Variants in PCDH9 observed in about 807,000 individuals in gnomAD.
PCDH9 encodes the protein protocadherin-9.
In PCDH9, 24 loss-of-function variants were observed where a neutral mutation model predicts 70.6. The ratio of observed to expected loss-of-function variants is 0.34; its 90% CI spans 0.25 to 0.48. The LOEUF (loss-of-function observed/expected upper bound fraction) is 0.48, where lower values mean the gene tolerates loss of function less well. Ranked by LOEUF, PCDH9 falls within the 20% of genes least tolerant of loss-of-function variation. The pLI is 0.99. For synonymous variants in PCDH9, 562 were observed against 558.5 expected (o/e 1.01, Z -0.09); for missense variants, 1,281 against 1,503.6 (o/e 0.85, Z 2.45).
chr13:66,827,197 C>G (rs1271812313), intron 3 of PCDH9, among the ~76,000 whole-genome samples: 2 of 151,838 alleles, frequency 1.3e-5, no homozygotes, highest in African/African-American at 4.8e-5. Flanking sequence ...TCCCCATAAC[C>G]CCCAGCAGGG....
intron 2 of PCDH9, chr13:67,213,206 CAAAAAAAAAAAAAAAAAAAAA>C (rs34813503): frequency 3.9e-3 from 80 of 20,550 alleles, no homozygotes; most frequent in African/African-American, 0.014. Flanking sequence ...GACTCCGTCA[CAAAAAAAAAAAAAAAAAAAAA>C]AAAAAAAAAA....
intron 2 of PCDH9, chr13:67,216,872 G>T (rs1179215666): frequency 6.6e-6 from 1 of 151,618 alleles, no homozygotes; most frequent in Non-Finnish European, 1.5e-5. Context: ...TGTGTTCCCA[G>T]CTGACACACA....
intron 2 of PCDH9, among the ~76,000 whole-genome samples, chr13:67,048,101 T>C (rs974618468): frequency 1.3e-5 from 2 of 152,172 alleles, no homozygotes; most frequent in Non-Finnish European, 2.9e-5. Context: ...CCTAGGACTC[T>C]AAACTGTGAA....
intron 3 of PCDH9, among the ~76,000 whole-genome samples, chr13:66,875,621 A>T (rs1186640958): frequency 1.3e-5 from 2 of 152,198 alleles, no homozygotes; most frequent in Admixed American, 1.3e-4. Context: ...TTAAATGTCA[A>T]CCAAGGAAAA....
intron 4 of PCDH9, among the ~76,000 whole-genome samples, chr13:66,391,366 C>T (rs184641497): frequency 1.5e-4 from 23 of 152,224 alleles, no homozygotes; most frequent in South Asian, 4.1e-4. Context: ...CATAATGTAA[C>T]GAGAAGGTTT....
chr13:66,369,210 A>G (rs1473487691), intron 4 of PCDH9, among the ~76,000 whole-genome samples: 1 of 152,124 alleles, frequency 6.6e-6, no homozygotes, highest in Non-Finnish European at 1.5e-5. Flanking sequence ...CTGCAACTAC[A>G]TAGATACTTT....
At chr13:66,960,669 A>C (rs1453673354) in intron 2 of PCDH9, among the ~76,000 whole-genome samples, 4 of 152,188 alleles carry the variant, frequency 2.6e-5, no homozygotes, top group Non-Finnish European at 4.4e-5. Context: ...TACTTTTATA[A>C]AATTTATAGC....
At chr13:67,158,091 T>G (rs912134578) in intron 2 of PCDH9, among the ~76,000 whole-genome samples, 6 of 152,178 alleles carry the variant, frequency 3.9e-5, no homozygotes, top group African/African-American at 1.4e-4. Flanking sequence ...ATACTTCTCT[T>G]TAGTACATCA....
At chr13:66,743,417 C>T (rs1456560319) in intron 3 of PCDH9, among the ~76,000 whole-genome samples, 5 of 145,684 alleles carry the variant, frequency 3.4e-5, no homozygotes, top group African/African-American at 5.1e-5. Flanking sequence ...GTGGGTGCAG[C>T]GCACCAGCAT....
intron 3 of PCDH9, among the ~76,000 whole-genome samples, chr13:66,848,411 GT>G (rs1409433732): frequency 6.6e-6 from 1 of 152,018 alleles, no homozygotes; most frequent in Non-Finnish European, 1.5e-5. Context: ...CATTTTAATT[GT>G]TTGTTAGAAC....
intron 3 of PCDH9, among the ~76,000 whole-genome samples, chr13:66,749,025 C>T: frequency 6.6e-6 from 1 of 152,148 alleles, no homozygotes. Context: ...TTTCTTCTTC[C>T]TGCCATTATG....
chr13:66,815,608 G>A (rs1263503459), intron 3 of PCDH9, among the ~76,000 whole-genome samples: 2 of 152,004 alleles, frequency 1.3e-5, no homozygotes, highest in Non-Finnish European at 2.9e-5. Context: ...GAACAAGACC[G>A]TGTCCTTTGC....
intron 4 of PCDH9, among the ~76,000 whole-genome samples, chr13:66,546,175 A>T (rs994522503): frequency 5.0e-5 from 4 of 80,080 alleles, no homozygotes; most frequent in African/African-American, 1.2e-4. Context: ...CTATTTATTA[A>T]AAAAAAAAAA....
At chr13:66,984,574 G>A (rs909798143) in intron 2 of PCDH9, among the ~76,000 whole-genome samples, 1 of 152,028 alleles carries the variant, frequency 6.6e-6, no homozygotes, top group Non-Finnish European at 1.5e-5. Flanking sequence ...GAAATATTTG[G>A]ATCTGATGAA....
intron 4 of PCDH9, among the ~76,000 whole-genome samples, chr13:66,317,593 C>T (rs1328495639): frequency 6.6e-6 from 1 of 152,100 alleles, no homozygotes; most frequent in African/African-American, 2.4e-5. Flanking sequence ...TCACAGGATA[C>T]ATAACAAAAC....
At chr13:66,758,071 T>C (rs567720577) in intron 3 of PCDH9, among the ~76,000 whole-genome samples, 2 of 152,222 alleles carry the variant, frequency 1.3e-5, no homozygotes, top group East Asian at 3.9e-4. Context: ...TGTTGTTTAT[T>C]ATCTTATTTT....
At chr13:67,190,875 T>A (rs2088892177) in intron 2 of PCDH9, among the ~76,000 whole-genome samples, 1 of 152,110 alleles carries the variant, frequency 6.6e-6, no homozygotes, top group Admixed American at 6.6e-5. Context: ...AAATGTCAGA[T>A]GAAAGCACAC....
At chr13:66,525,086 C>T (rs1960154419) in intron 4 of PCDH9, among the ~76,000 whole-genome samples, 1 of 152,020 alleles carries the variant, frequency 6.6e-6, no homozygotes, top group South Asian at 2.1e-4. Flanking sequence ...TGGTTCTAAC[C>T]TCAGCTGAAT....
chr13:66,459,237 G>A (rs769381658), intron 4 of PCDH9, among the ~76,000 whole-genome samples: 57 of 152,070 alleles, frequency 3.7e-4, no homozygotes, highest in Non-Finnish European at 7.8e-4. Flanking sequence ...CAGAGTCACA[G>A]AAGCATGTAT....
Sources: gnomAD v4.1 joint callset for allele counts (sites outside exome capture counted in the v4.1 genomes callset) on GRCh38, gnomAD v4.1.1 for gene constraint, MANE v1.5 for transcripts, NCBI Gene and HGNC (gene_info 2026-07-23, HGNC 2026-07-21) for gene names.